EIF3J: variants seen among roughly 807,000 people sequenced by gnomAD.
EIF3J encodes eukaryotic translation initiation factor 3 subunit J.
A neutral mutation model predicts 39.0 loss-of-function variants in EIF3J; 15 were observed. That is an observed-to-expected ratio of 0.38 (90% CI 0.26 to 0.59). The LOEUF (loss-of-function observed/expected upper bound fraction) is 0.59. Among genes scored for constraint, EIF3J ranks in the 20% least tolerant of loss-of-function variants. The pLI, the probability that EIF3J is intolerant of heterozygous loss-of-function variation, is 0.60. For missense variants in EIF3J, 226 were observed against 308.6 expected, an observed-to-expected ratio of 0.73 and a Z score of 2.00; for synonymous variants, 98 against 112.9, an observed-to-expected ratio of 0.87 and a Z score of 0.84.
In EIF3J at chr15:44,561,439, G is replaced by GAAAC. The variant is rs1202386424; in HGVS notation, c.*294_*297dup. 7 of 243,064 alleles carry GAAAC rather than the reference G, an allele frequency of 2.9e-5. No homozygotes were observed. Among genetic ancestry groups the GAAAC allele is most frequent in the Non-Finnish European group, 4.1e-5 (5 of 122,898 alleles). 15.1% of individuals were successfully genotyped at this position (243,064 alleles called of 1,614,324 possible). A position where few individuals can be genotyped will look rare whatever the true frequency, so the allele number is the denominator to read the frequency against. ...TTTCATAGCAGCAGTCACTAAATTGGAAACAAAAGGTTGCAACGTGACAAA... is the reference window on the plus strand; with the variant it reads ...TTTCATAGCAGCAGTCACTAAATTGGAAACAAACAAAAGGTTGCAACGTGACAAA... On this transcript the variant is annotated 3_prime_UTR_variant, in exon 8 of 8. Transcript: ENST00000261868.
chr15:44,557,549 C>G lies in EIF3J; in HGVS notation c.470C>G (p.Thr157Arg), dbSNP rs1426939774. 6.4e-7 allele frequency: 1 copy of G among 1,556,424 alleles called. No homozygotes were observed. Among genetic ancestry groups the G allele is most frequent in the Non-Finnish European group, 8.7e-7 (1 of 1,154,112 alleles). Residue 157 changes from threonine to arginine, a missense_variant, in exon 6 of 8, where the codon ACA becomes AGA. Physicochemically the swap from Thr to Arg is moderately conservative, Grantham distance 71. Around this residue, in one of 2 missense-constraint regions of EIF3J, gnomAD observed 83 missense variants for 152.6 expected, o/e 0.54. Transcript: ENST00000261868. ...AMNPSSRDDF[T>R]EFGKLLKDKI... ...AACCCATCTTCAAGAGATGACTTTA[C>G]AGAGTTTGGAAAGTTACTAAAAGAT... is the stretch of plus-strand genomic sequence containing the variant.
chr15:44,546,221 A>C (rs533519345), intron 2 of EIF3J, among the ~76,000 whole-genome samples: 1 of 152,350 alleles, frequency 6.6e-6, no homozygotes, highest in African/African-American at 2.4e-5. Flanking sequence ...TTCTAACTCT[A>C]GTATCACAGT....
Position 44,561,461 on chromosome 15 carries a change from C to G in EIF3J, c.*312C>G, listed in dbSNP as rs14651. ...TTGGAAACAAAAGGTTGCAACGTGA[C>G]AAAAAAAATTGTGTAGTATTTACCA... On this transcript the variant is annotated 3_prime_UTR_variant, in exon 8 of 8. Coordinates refer to ENST00000261868, the MANE Select transcript of EIF3J (RefSeq NM_003758.4). 1 of 225,070 alleles carries G rather than the reference C, an allele frequency of 4.4e-6. No individual in the cohort carries two copies. Among genetic ancestry groups the G allele is most frequent in the East Asian group, 9.6e-5 (1 of 10,376 alleles). 13.9% of individuals were successfully genotyped at this position (225,070 alleles called of 1,614,324 possible).
At chr15:44,549,345 C>T (rs1204801472) in intron 2 of EIF3J, among the ~76,000 whole-genome samples, 1 of 151,744 alleles carries the variant, frequency 6.6e-6, no homozygotes, top group Non-Finnish European at 1.5e-5. Context: ...GAGCCTAGAT[C>T]ATGCCATTGC....
rs1302938683 is a variant in EIF3J, at chr15:44,561,861, T to TTTTA, written c.*716_*719dup. 1.3e-5 allele frequency: 2 copies of TTTTA among 152,598 alleles called. No individual in the cohort carries two copies. Among genetic ancestry groups the TTTTA allele is most frequent in the Non-Finnish European group, 2.9e-5 (2 of 68,022 alleles). The allele number at this position is 152,598 out of a possible 1,614,324, so 9.5% of individuals were successfully genotyped here. A position where few individuals can be genotyped will look rare whatever the true frequency, so the allele number is the denominator to read the frequency against. ...CTTCAGGTGGGGGAGGGAAACTTAT[T>TTTTA]TTTATTTGCCTGATTTAAGTGTCTG... On this transcript the variant is annotated 3_prime_UTR_variant, in exon 8 of 8. Coordinates refer to ENST00000261868, the MANE Select transcript of EIF3J (RefSeq NM_003758.4).
chr15:44,554,616 C>G lies in EIF3J; in HGVS notation c.358C>G (p.Leu120Val), dbSNP rs1335784109. 1 of 1,612,788 alleles carries G rather than the reference C, an allele frequency of 6.2e-7. No individual in the cohort carries two copies. Among genetic ancestry groups the G allele is most frequent in the South Asian group, 1.1e-5 (1 of 90,700 alleles). ...PEEQLADKLR[L>V]KKLQEESDLE... ...AGAACAATTAGCAGATAAACTGCGG[C>G]TAAAGAAATTACAGGAAGAGTCAGA... is the stretch of plus-strand genomic sequence containing the variant. The change falls in exon 5 of 8, where the codon CTA becomes GTA. Residue 120 changes from leucine to valine, a missense_variant. This residue lies in a region of EIF3J where 143 missense variants were observed against 156.0 expected (regional missense o/e 0.92). Transcript: ENST00000261868.
rs2082199204 is a variant in EIF3J, at chr15:44,561,762, C to T, written c.*613C>T. ...AAGAAGGTAAACCTTTCCATTATTG[C>T]ATTACATGTTGTGGAATCTCTCGAG... On this transcript the variant is annotated 3_prime_UTR_variant, in exon 8 of 8. Transcript: ENST00000261868. 1.3e-5 allele frequency: 2 copies of T among 152,564 alleles called. No homozygotes were observed. The highest frequency in any genetic ancestry group is 2.1e-4 in the South Asian group (1 of 4,826). 9.5% of individuals were successfully genotyped at this position (152,564 alleles called of 1,614,324 possible). A position where few individuals can be genotyped will look rare whatever the true frequency, so the allele number is the denominator to read the frequency against.
At chr15:44,548,179 T>TG in intron 2 of EIF3J, among the ~76,000 whole-genome samples, 1 of 152,242 alleles carries the variant, frequency 6.6e-6, no homozygotes, top group South Asian at 2.1e-4. Flanking sequence ...CCCAGCACTT[T>TG]GGGAGGCTGA....
At chr15:44,547,530 A>C (rs1201430321) in intron 2 of EIF3J, among the ~76,000 whole-genome samples, 1 of 142,058 alleles carries the variant, frequency 7.0e-6, no homozygotes, top group African/African-American at 2.7e-5. Flanking sequence ...GCTCACTGCA[A>C]CCTCCCACTC....
intron 2 of EIF3J, among the ~76,000 whole-genome samples, chr15:44,539,732 CT>C (rs77942286): frequency 0.056 from 7,269 of 129,208 alleles, 227 homozygotes; most frequent in African/African-American, 0.087. Flanking sequence ...ATTTCTTTTT[CT>C]TTTTTTTTTT....
chr15:44,560,960 C>G (rs923068497), intron 7 of EIF3J, 58 bp from the exon 8 acceptor site: 3 of 1,589,298 alleles, frequency 1.9e-6, no homozygotes, highest in Non-Finnish European at 2.6e-6. Context: ...GGTTGCTGTA[C>G]CAGATAAGAT....
rs1567114072 is a variant in EIF3J at position 44,537,367 on chromosome 15, G to GGGC, written c.94_96dup (p.Gly32dup). ...TGGAAGACCCAGTGCGGAAGGTGGG[G>GGGC]GGCGGCGGCACTGCCGGCGGGGACC... On this transcript the variant is annotated inframe_insertion, in exon 2 of 8. Transcript: ENST00000261868. 1 of 1,568,406 alleles carries GGGC rather than the reference G, an allele frequency of 6.4e-7. No individual in the cohort carries two copies. Among genetic ancestry groups the GGGC allele is most frequent in the South Asian group, 1.2e-5 (1 of 85,822 alleles).
At chr15:44,556,343 G>T (rs550167664) in intron 5 of EIF3J, among the ~76,000 whole-genome samples, 1 of 152,222 alleles carries the variant, frequency 6.6e-6, no homozygotes, top group African/African-American at 2.4e-5. Flanking sequence ...AATGTAATAT[G>T]TTGTGTTTTG....
In EIF3J at chr15:44,557,063, A is replaced by G. The variant is rs939166884; in HGVS notation, c.410-426A>G. ...TACTAAAATGACAAATTTGTGATAC[A>G]GAATTATATGCTTCCTTATCGATGC... On this transcript the variant is annotated intron_variant, in intron 5 of 7. Transcript: ENST00000261868. Among the ~76,000 whole-genome samples, 9 of 152,368 alleles carry G rather than the reference A, an allele frequency of 5.9e-5. No individual in the cohort carries two copies. The South Asian group carries it at 1.9e-3, about 32-fold the overall frequency.
chr15:44,539,026 CT>C lies in EIF3J; in HGVS notation c.147+1616del, dbSNP rs942051829. ...GGTATCGATCTTGATGAATATAATTCTTTTTTTTTTTTTTTTTGAGATGGAG... is the reference window on the plus strand; with the variant it reads ...GGTATCGATCTTGATGAATATAATTCTTTTTTTTTTTTTTTTGAGATGGAG... On this transcript the variant is annotated intron_variant, in intron 2 of 7. Transcript: ENST00000261868. 8.1e-3 allele frequency among the ~76,000 whole-genome samples: 1,103 copies of C among 136,186 alleles called. 2 individuals carry two copies. The highest frequency in any genetic ancestry group is 0.018 in the African/African-American group (659 of 37,092). The allele number at this position is 136,186 out of a possible 152,430, so 89.3% of individuals were successfully genotyped here.
chr15:44,547,553 G>A (rs1426212155), intron 2 of EIF3J, among the ~76,000 whole-genome samples: 1 of 148,522 alleles, frequency 6.7e-6, no homozygotes, highest in Admixed American at 6.8e-5. Context: ...GGGTTCAAGT[G>A]ATTCTCCTGC....
intron 2 of EIF3J, chr15:44,550,645 A>G: frequency 2.8e-6 from 1 of 355,142 alleles, no homozygotes; most frequent in Non-Finnish European, 5.2e-6. Context: ...TCACTTTAAA[A>G]CACTTCTGAA....
chr15:44,560,543 T>C (rs1267704072), intron 7 of EIF3J: 1 of 508,396 alleles, frequency 2.0e-6, no homozygotes, highest in Non-Finnish European at 3.4e-6. Flanking sequence ...AATCACAGAC[T>C]GGGTTCAAAT....
chr15:44,546,814 A>ATTTTT (rs1245274310), intron 2 of EIF3J, among the ~76,000 whole-genome samples: 1 of 117,320 alleles, frequency 8.5e-6, no homozygotes, highest in African/African-American at 3.5e-5. Context: ...CAGAGTATAG[A>ATTTTT]TCTTTTTTTT....
Sources: gnomAD v4.1 joint callset for allele counts (sites outside exome capture counted in the v4.1 genomes callset) on GRCh38, gnomAD v4.1.1 for gene constraint, gnomAD v4.1.1 regional missense constraint, MANE v1.5 for transcripts, NCBI Gene and HGNC (gene_info 2026-07-23, HGNC 2026-07-21) for gene names.